ADGRA2: variants seen among roughly 807,000 people sequenced by gnomAD.
ADGRA2 encodes adhesion G protein-coupled receptor A2.
A neutral mutation model predicts 98.7 loss-of-function variants in ADGRA2; 61 were observed. The observed-to-expected ratio is 0.62, with a 90% CI of 0.50 to 0.76. The LOEUF (loss-of-function observed/expected upper bound fraction) is 0.76. Ranked by LOEUF, ADGRA2 falls within the 30% of genes least tolerant of loss-of-function variation. ADGRA2 has a pLI of 0.00. For missense variants in ADGRA2, 1,712 were observed against 1,860.0 expected (o/e 0.92, Z 1.46); for synonymous variants, 858 against 831.5 (o/e 1.03, Z -0.55).
Position 37,844,341 on chromosome 8 carries a change from C to T in ADGRA2, c.*1986C>T. On this transcript the variant is annotated 3_prime_UTR_variant, in exon 19 of 19. Transcript: ENST00000412232. The stretch of plus-strand genomic sequence containing the variant: ...CTGCACTCCTGACTTTACTCCAGGA[C>T]CCAGGGTCCAACTAATGGCAGAGCC... 4.0e-6 allele frequency: 4 copies of T among 1,003,316 alleles called. No individual in the cohort carries two copies. Among genetic ancestry groups the T allele is most frequent in the Non-Finnish European group, 5.9e-6 (4 of 678,450 alleles). 62.2% of individuals were successfully genotyped at this position (1,003,316 alleles called of 1,614,324 possible).
chr8:37,841,375 T>A lies in ADGRA2; in HGVS notation c.3037T>A (p.Tyr1013Asn). The A allele has an allele frequency of 1.2e-6, 2 of 1,610,524 alleles. No homozygotes were observed. The highest frequency in any genetic ancestry group is 8.5e-7 in the Non-Finnish European group (1 of 1,178,722). The change falls in exon 19 of 19, where the codon TAT becomes AAT. Residue 1013 changes from tyrosine (Y) to asparagine (N), a missense_variant. Physicochemically the swap from Tyr to Asn is moderately radical, Grantham distance 143 (BLOSUM62 -2). Transcript: ENST00000412232. The surrounding 1 kb of genome is among the most constrained non-coding windows in gnomAD (Gnocchi z 5.0). Reference sequence around the variant, plus strand: ...GCCCCCGGAGGATGGTGACAGCCTCTATTCTCCGGGAGTCCAGCTAGGGGC... The same window carrying A: ...GCCCCCGGAGGATGGTGACAGCCTCAATTCTCCGGGAGTCCAGCTAGGGGC... The part of the protein sequence containing the change: ...PGPPEDGDSL[Y>N]SPGVQLGALV...
intron 2 of ADGRA2, among the ~76,000 whole-genome samples, chr8:37,816,927 A>AACTCACACAC (rs869296926): frequency 3.0e-5 from 4 of 131,888 alleles, no homozygotes; most frequent in Non-Finnish European, 4.8e-5. Flanking sequence ...AAGAAAGCAA[A>AACTCACACAC]ACACACACAC....
chr8:37,811,093 A>G (rs35638839), intron 1 of ADGRA2, among the ~76,000 whole-genome samples: 23,022 of 140,726 alleles, frequency 0.16, 4,089 homozygotes, highest in African/African-American at 0.44. Context: ...CAGACTGGGC[A>G]ACAGAGCAAG....
chr8:37,803,648 AG>A (rs1375516196), intron 1 of ADGRA2, among the ~76,000 whole-genome samples: 8 of 151,476 alleles, frequency 5.3e-5, no homozygotes, highest in African/African-American at 1.7e-4. Context: ...TTATGGGGGG[AG>A]GGGGCAGAGA....
chr8:37,816,005 C>A (rs778421991), intron 2 of ADGRA2, among the ~76,000 whole-genome samples: 1 of 152,188 alleles, frequency 6.6e-6, no homozygotes, highest in Non-Finnish European at 1.5e-5. Flanking sequence ...GCCCCTCTAG[C>A]GCCATTTTGC....
At chr8:37,799,931 C>T (rs910588587) in intron 1 of ADGRA2, among the ~76,000 whole-genome samples, 1 of 152,180 alleles carries the variant, frequency 6.6e-6, no homozygotes, top group Admixed American at 6.5e-5. Context: ...CCCCCAATCC[C>T]CACCAGCTGG....
rs369719688 is a variant in ADGRA2 at position 37,829,342 on chromosome 8, G to A, written c.482+10G>A. On this transcript the variant is annotated intron_variant, in intron 4 of 18. Transcript: ENST00000412232. ...CCAGGCTTCTCCGACTGTAAGTGAT[G>A]GGGTGAGAAGTGGGGAGGGGAGGAG... 4 of 1,610,196 alleles carry A rather than the reference G, an allele frequency of 2.5e-6. No homozygotes were observed. The African/African-American group carries it at 5.4e-5, about 22-fold the overall frequency.
At position 37,797,200 on chromosome 8, in the gene ADGRA2, C is replaced by T; in HGVS notation, c.-69C>T. 1 of 1,159,722 alleles carries T rather than the reference C, an allele frequency of 8.6e-7. No individual in the cohort carries two copies. Among genetic ancestry groups the T allele is most frequent in the Non-Finnish European group, 1.1e-6 (1 of 933,850 alleles). The allele number at this position is 1,159,722 out of a possible 1,614,324, so 71.8% of individuals were successfully genotyped here. On this transcript the variant is annotated 5_prime_UTR_variant, in exon 1 of 19. The change creates a new upstream start codon in the 5' untranslated region. Transcript: ENST00000412232. This position sits in a 1 kb window ranked among gnomAD's most constrained non-coding sequence, Gnocchi z 5.3. ...GCCCCCGCTGAGCACTCCTCCCGCA[C>T]GCCTGGGTCCCTCCGGCCGGCGCGC...
At chr8:37,812,153 G>GTGA (rs776961496) in intron 1 of ADGRA2, among the ~76,000 whole-genome samples, 57 of 142,220 alleles carry the variant, frequency 4.0e-4, no homozygotes, top group African/African-American at 1.3e-3. Flanking sequence ...ACTTGCAATG[G>GTGA]TGTTGTTGTT....
intron 16 of ADGRA2, among the ~76,000 whole-genome samples, 155 bp from the exon 17 acceptor site, chr8:37,839,966 T>C (rs1021974475): frequency 1.3e-5 from 2 of 151,956 alleles, no homozygotes; most frequent in Admixed American, 6.5e-5. Flanking sequence ...GCAGTAGGGA[T>C]GGAAGCTTGG....
chr8:37,830,023 G>A lies in ADGRA2; in HGVS notation c.718+9G>A, dbSNP rs770760292. 20 of 1,517,140 alleles carry A rather than the reference G, an allele frequency of 1.3e-5. No homozygotes were observed. The highest frequency in any genetic ancestry group is 1.8e-5 in the Non-Finnish European group (20 of 1,131,174). The allele number at this position is 1,517,140 out of a possible 1,614,324, so 94.0% of individuals were successfully genotyped here. The stretch of plus-strand genomic sequence containing the variant: ...GGCCCAGCTCTGCTGCGGTGAGCAA[G>A]TCCCCCCAGCTACACATCTCCCAGG... On this transcript the variant is annotated intron_variant, in intron 6 of 18. Coordinates refer to ENST00000412232, the MANE Select transcript of ADGRA2 (RefSeq NM_032777.10). The surrounding 1 kb of genome is among the most constrained non-coding windows in gnomAD (Gnocchi z 4.8).
In ADGRA2 at chr8:37,841,307, G is replaced by C. The variant is rs1805783105; in HGVS notation, c.2969G>C (p.Gly990Ala). The C allele has an allele frequency of 6.2e-7, 1 of 1,608,944 alleles. No homozygotes were observed. Among genetic ancestry groups the C allele is most frequent in the African/African-American group, 1.3e-5 (1 of 74,846 alleles). Residue 990 changes from glycine (G) to alanine (A), a missense_variant, in exon 19 of 19, where the codon GGT (glycine) becomes GCT (alanine). Gly to Ala is a moderately conservative substitution (Grantham distance 60, BLOSUM62 0). Transcript: ENST00000412232. This position sits in a 1 kb window ranked among gnomAD's most constrained non-coding sequence, Gnocchi z 5.0. ...AGCGGCCCCCTCCTGAGTGACTCAGGTTCCCTTCTTGCTACTGGGAGCGCG... is the reference window on the plus strand; with the variant it reads ...AGCGGCCCCCTCCTGAGTGACTCAGCTTCCCTTCTTGCTACTGGGAGCGCG... ...RGSGPLLSDS[G>A]SLLATGSARV...
chr8:37,844,850 A>G lies in ADGRA2; in HGVS notation c.*2495A>G. Reference sequence around the variant, plus strand: ...GGACCAGTGACTGGCGGTGCTGGAGAAGGTCACCGATGTGCTTCACCACAG... The same window carrying G: ...GGACCAGTGACTGGCGGTGCTGGAGGAGGTCACCGATGTGCTTCACCACAG... On this transcript the variant is annotated 3_prime_UTR_variant, in exon 19 of 19. Transcript: ENST00000412232. The G allele has an allele frequency of 1.2e-6, 2 of 1,614,108 alleles. No homozygotes were observed. Among genetic ancestry groups the G allele is most frequent in the Non-Finnish European group, 1.7e-6 (2 of 1,180,026 alleles).
intron 1 of ADGRA2, among the ~76,000 whole-genome samples, chr8:37,807,219 C>A (rs1383709019): frequency 1.3e-5 from 2 of 152,334 alleles, no homozygotes; most frequent in South Asian, 4.1e-4. Flanking sequence ...GCGGGCAGAA[C>A]ACCTTACATG....
At position 37,830,970 on chromosome 8, in the gene ADGRA2, G is replaced by T. The variant is rs749789065; in HGVS notation, c.932+47G>T. ...CTCAGGCCTCAGCATGGGGTTAGGGGACCTACCCTACCCGTCACCACCCCG... is the reference window on the plus strand; with the variant it reads ...CTCAGGCCTCAGCATGGGGTTAGGGTACCTACCCTACCCGTCACCACCCCG... On this transcript the variant is annotated intron_variant, in intron 7 of 18. Transcript: ENST00000412232. The surrounding 1 kb of genome is among the most constrained non-coding windows in gnomAD (Gnocchi z 4.8). 3.6e-6 allele frequency: 5 copies of T among 1,406,218 alleles called. No individual in the cohort carries two copies. In the South Asian group the frequency reaches 6.3e-5, roughly 18 times the overall value. 87.1% of individuals were successfully genotyped at this position (1,406,218 alleles called of 1,614,324 possible).
rs1380450663 is a variant in ADGRA2, at chr8:37,841,776, G to A, written c.3438G>A (p.Val1146=). 4 of 1,536,684 alleles carry A rather than the reference G, an allele frequency of 2.6e-6. No individual in the cohort carries two copies. The highest frequency in any genetic ancestry group is 3.5e-6 in the Non-Finnish European group (4 of 1,144,508). ...LTNLQLAQSQ[V]CEAGAAAGGE... ...ACCTGCAGCTGGCCCAGAGTCAGGT[G>A]TGCGAGGCGGGGGCGGCGGCCGGCG... is the stretch of plus-strand genomic sequence containing the variant. The change falls in exon 19 of 19, where the codon GTG becomes GTA. Residue 1146 remains valine, a synonymous_variant. Transcript: ENST00000412232. The surrounding 1 kb of genome is among the most constrained non-coding windows in gnomAD (Gnocchi z 5.0).
At chr8:37,812,237 G>C (rs933259558) in intron 1 of ADGRA2, among the ~76,000 whole-genome samples, 3 of 152,052 alleles carry the variant, frequency 2.0e-5, no homozygotes, top group Non-Finnish European at 4.4e-5. Flanking sequence ...TGGGTTAAAG[G>C]CTAAAGAGTT....
rs111714720 is a variant in ADGRA2 at position 37,831,448 on chromosome 8, G to A, written c.958G>A (p.Val320Met). Residue 320 changes from valine to methionine, a missense_variant, in exon 8 of 19, where the codon GTG (valine) becomes ATG (methionine). Transcript: ENST00000412232. ...TSELTLSHIG[V>M]WASGEWECTV... ...TGAGCTGACGCTGTCTCACATCGGC[G>A]TGTGGGCCTCAGGCGAGTGGGAGTG... 18,422 of 1,612,512 alleles carry A rather than the reference G, an allele frequency of 0.011. 127 individuals carry two copies. The highest frequency in any genetic ancestry group is 0.014 in the Middle Eastern group (82 of 6,058).
chr8:37,830,620 G>T lies in ADGRA2; in HGVS notation c.719-90G>T. 1 of 242,836 alleles carries T rather than the reference G, an allele frequency of 4.1e-6. No homozygotes were observed. The highest frequency in any genetic ancestry group is 5.5e-5 in the Admixed American group (1 of 18,266). 15.0% of individuals were successfully genotyped at this position (242,836 alleles called of 1,614,324 possible). On this transcript the variant is annotated intron_variant, in intron 6 of 18. Coordinates refer to ENST00000412232, the MANE Select transcript of ADGRA2 (RefSeq NM_032777.10). This position sits in a 1 kb window ranked among gnomAD's most constrained non-coding sequence, Gnocchi z 4.8. The stretch of plus-strand genomic sequence containing the variant: ...GGCTGCAGGCCGAGGGCCCCGCCCC[G>T]CCCCACCCCATCCTGCTGGACTCTC...
Sources: allele counts gnomAD v4.1 joint callset (sites outside exome capture counted in the v4.1 genomes callset), GRCh38; gene constraint gnomAD v4.1.1; non-coding constraint Gnocchi (gnomAD v3.1); transcripts MANE v1.5; gene names NCBI Gene and HGNC (gene_info 2026-07-23, HGNC 2026-07-21).